RYR2: variants seen among roughly 807,000 people sequenced by gnomAD.
RYR2 encodes the protein cardiac muscle ryanodine receptor-calcium release channel.
RYR2 carries 227 observed loss-of-function variants against 601.1 expected under a neutral mutation model. The ratio of observed to expected loss-of-function variants is 0.38; its 90% CI spans 0.34 to 0.42. RYR2 has a LOEUF of 0.42. RYR2 is among the 10% of genes least tolerant of loss of function. The probability of loss-of-function intolerance (pLI) is 1.00; values close to 1 mark genes in which losing one functional copy is unlikely to be tolerated. For missense variants in RYR2, 4,646 were observed against 6,156.5 expected (o/e 0.75, Z 8.21); for synonymous variants, 2,223 against 2,175.1 (o/e 1.02, Z -0.61).
chr1:237,732,637 T>C (rs1690791004), intron 78 of RYR2, among the ~76,000 whole-genome samples: 1 of 152,154 alleles, frequency 6.6e-6, no homozygotes, highest in East Asian at 1.9e-4. Context: ...CCCATTTTTC[T>C]TGTCTTCTGC....
chr1:237,130,270 G>A (rs1672019153), intron 1 of RYR2, among the ~76,000 whole-genome samples: 1 of 152,158 alleles, frequency 6.6e-6, no homozygotes, highest in African/African-American at 2.4e-5. Context: ...AAAAAAGAGA[G>A]TATGGAGGAA....
Position 237,625,642 on chromosome 1 carries a change from C to G in RYR2, c.6023-19C>G, listed in dbSNP as rs745428885. On this transcript the variant is annotated intron_variant, in intron 39 of 104. Transcript: ENST00000366574. ...ATTCTTTAAATATTTTTTTCTGCCT[C>G]TCTGTTTTTTTATACTAGGAATTGA... 4 of 1,602,636 alleles carry G rather than the reference C, an allele frequency of 2.5e-6. No homozygotes were observed. In the Admixed American group the frequency reaches 7.0e-5, roughly 28 times the overall value.
At chr1:237,681,950 G>T (rs1685922130) in intron 62 of RYR2, among the ~76,000 whole-genome samples, 1 of 152,154 alleles carries the variant, frequency 6.6e-6, no homozygotes, top group African/African-American at 2.4e-5. Flanking sequence ...TAGGAACTTT[G>T]TTCTCAGAGG....
At chr1:237,403,371 G>C (rs1354384171) in intron 10 of RYR2, among the ~76,000 whole-genome samples, 1 of 152,170 alleles carries the variant, frequency 6.6e-6, no homozygotes, top group African/African-American at 2.4e-5. Flanking sequence ...AAGCTTAAAA[G>C]TGCTTAAAGA....
At chr1:237,518,958 G>A (rs1054650667) in intron 24 of RYR2, among the ~76,000 whole-genome samples, 6 of 152,182 alleles carry the variant, frequency 3.9e-5, no homozygotes, top group African/African-American at 1.4e-4. Context: ...TTTAAGAATA[G>A]CCATTCTGAC....
chr1:237,434,880 A>G (rs1036191200), intron 12 of RYR2, among the ~76,000 whole-genome samples: 1 of 152,036 alleles, frequency 6.6e-6, no homozygotes, highest in Non-Finnish European at 1.5e-5. Flanking sequence ...GGTTCAAGCA[A>G]TTCTCCCACC....
At chr1:237,259,902 C>T (rs1010645567) in intron 1 of RYR2, among the ~76,000 whole-genome samples, 8 of 152,106 alleles carry the variant, frequency 5.3e-5, no homozygotes, top group Admixed American at 5.2e-4. Context: ...GTAATATCAC[C>T]ACATTAGGAA....
intron 1 of RYR2, among the ~76,000 whole-genome samples, chr1:237,268,935 CAAAAAAAAAAAA>C (rs1160004017): frequency 2.5e-4 from 4 of 16,224 alleles, no homozygotes; most frequent in South Asian, 4.5e-3. Context: ...ACTCTTGTCT[CAAAAAAAAAAAA>C]AAAAAAAAAA....
intron 1 of RYR2, among the ~76,000 whole-genome samples, chr1:237,168,711 T>C (rs1430625341): frequency 5.0e-5 from 1 of 19,822 alleles, no homozygotes; most frequent in East Asian, 1.1e-3. Context: ...GCTAAATGTG[T>C]GTGCCGGCAT....
chr1:237,795,856 GTA>G (rs1205860625), intron 96 of RYR2, among the ~76,000 whole-genome samples: 1,802 of 79,546 alleles, frequency 0.023, 36 homozygotes, highest in African/African-American at 0.056. Flanking sequence ...ATATGTATAT[GTA>G]TATATATATA....
intron 68 of RYR2, among the ~76,000 whole-genome samples, chr1:237,707,599 T>C (rs1014495796): frequency 6.6e-6 from 1 of 152,294 alleles, no homozygotes; most frequent in East Asian, 1.9e-4. Flanking sequence ...CCATCTGTTA[T>C]ATAGAGAATG....
chr1:237,339,877 G>T (rs1054800750), intron 3 of RYR2, among the ~76,000 whole-genome samples: 11 of 152,152 alleles, frequency 7.2e-5, no homozygotes, highest in African/African-American at 2.7e-4. Context: ...GAATTCCCTG[G>T]CAGAATTTCC....
At chr1:237,261,813 G>A (rs1474956048) in intron 1 of RYR2, among the ~76,000 whole-genome samples, 1 of 152,064 alleles carries the variant, frequency 6.6e-6, no homozygotes, top group Non-Finnish European at 1.5e-5. Context: ...TGGCAATTCT[G>A]TTCAAAACCT....
chr1:237,136,229 C>G (rs183875505), intron 1 of RYR2, among the ~76,000 whole-genome samples: 1 of 152,266 alleles, frequency 6.6e-6, no homozygotes, highest in East Asian at 1.9e-4. Context: ...GATAGCATTG[C>G]CATGTAAAGG....
chr1:237,372,695 T>A (rs568145305), intron 6 of RYR2, among the ~76,000 whole-genome samples: 1 of 152,346 alleles, frequency 6.6e-6, no homozygotes, highest in South Asian at 2.1e-4. Context: ...TTAAGACAAC[T>A]ACTCTCTATA....
chr1:237,077,604 AG>A (rs1665132928), intron 1 of RYR2, among the ~76,000 whole-genome samples: 2 of 127,140 alleles, frequency 1.6e-5, no homozygotes, highest in Non-Finnish European at 3.4e-5. Flanking sequence ...CACCCAATAC[AG>A]GAGCACCCAG....
intron 87 of RYR2, among the ~76,000 whole-genome samples, chr1:237,776,888 A>T (rs2149329795): frequency 6.6e-6 from 1 of 152,240 alleles, no homozygotes; most frequent in Non-Finnish European, 1.5e-5. Context: ...GTTTAAAGTT[A>T]TTCAATCAGA....
At chr1:237,168,654 A>G (rs1327134143) in intron 1 of RYR2, among the ~76,000 whole-genome samples, 1 of 151,962 alleles carries the variant, frequency 6.6e-6, no homozygotes, top group East Asian at 1.9e-4. Flanking sequence ...TCTTTTGGGG[A>G]GGGGGAAGGA....
intron 2 of RYR2, among the ~76,000 whole-genome samples, chr1:237,302,689 A>G (rs1175416284): frequency 6.6e-6 from 1 of 152,226 alleles, no homozygotes; most frequent in Non-Finnish European, 1.5e-5. Flanking sequence ...TCAGACAGAC[A>G]TGGAAGCCAG....
Sources: gnomAD v4.1 joint callset for allele counts (sites outside exome capture counted in the v4.1 genomes callset) on GRCh38, gnomAD v4.1.1 for gene constraint, MANE v1.5 for transcripts, NCBI Gene and HGNC (gene_info 2026-07-23, HGNC 2026-07-21) for gene names.